Variants in GRM8 observed in about 807,000 individuals in gnomAD.
GRM8 encodes the protein metabotropic glutamate receptor 8.
In GRM8, 47 loss-of-function variants were observed where a neutral mutation model predicts 87.2. That is an observed-to-expected ratio of 0.54 (90% confidence interval 0.43 to 0.69). The LOEUF (loss-of-function observed/expected upper bound fraction) is 0.69, where lower values mean the gene tolerates loss of function less well. GRM8 is among the 30% of genes least tolerant of loss of function. The pLI is 0.00. For synonymous variants in GRM8, 396 were observed against 404.5 expected (o/e 0.98, Z 0.25); for missense variants, 1,019 against 1,139.2 (o/e 0.89, Z 1.52).
At chr7:127,066,715 T>C (rs1821152533) in intron 3 of GRM8, among the ~76,000 whole-genome samples, 1 of 152,178 alleles carries the variant, frequency 6.6e-6, no homozygotes, top group African/African-American at 2.4e-5. Flanking sequence ...CATCCTACAG[T>C]GCTAGAGAAC....
chr7:126,914,908 C>A (rs1265858014), intron 3 of GRM8, among the ~76,000 whole-genome samples: 1 of 152,118 alleles, frequency 6.6e-6, no homozygotes, highest in Non-Finnish European at 1.5e-5. Context: ...TGTACCCCCC[C>A]AATCTAAAAT....
chr7:127,110,388 T>C (rs1382439245), intron 2 of GRM8, among the ~76,000 whole-genome samples: 1 of 152,166 alleles, frequency 6.6e-6, no homozygotes, highest in Non-Finnish European at 1.5e-5. Context: ...TCTCTACCAC[T>C]GTCCCTAGGT....
intron 3 of GRM8, among the ~76,000 whole-genome samples, chr7:126,930,273 T>A (rs192215518): frequency 1.3e-5 from 2 of 152,222 alleles, no homozygotes; most frequent in African/African-American, 4.8e-5. Flanking sequence ...CTTATTTTAA[T>A]GGCAATAGTA....
At chr7:126,698,809 C>CAA (rs368909700) in intron 7 of GRM8, among the ~76,000 whole-genome samples, 1 of 151,684 alleles carries the variant, frequency 6.6e-6, no homozygotes, top group African/African-American at 2.4e-5. Flanking sequence ...ATTAACAAGC[C>CAA]AAAAAAATAC....
At chr7:127,073,178 C>T (rs1414173637) in intron 3 of GRM8, among the ~76,000 whole-genome samples, 1 of 152,144 alleles carries the variant, frequency 6.6e-6, no homozygotes, top group African/African-American at 2.4e-5. Context: ...GATCAAACTT[C>T]TAAGTACTGG....
intron 6 of GRM8, among the ~76,000 whole-genome samples, chr7:126,788,420 A>AACAAAAAAACAAACAAAAAAAAAAAAAC (rs1554492201): frequency 1.2e-5 from 1 of 81,138 alleles, no homozygotes; most frequent in African/African-American, 4.6e-5. Context: ...AAAAAAAAAA[A>AACAAAAAAACAAACAAAAAAAAAAAAAC]AAACCCTTTC....
chr7:126,857,600 G>A (rs1455153800), intron 6 of GRM8, among the ~76,000 whole-genome samples: 1 of 152,152 alleles, frequency 6.6e-6, no homozygotes, highest in East Asian at 1.9e-4. Context: ...GGAGCAACAC[G>A]TGTCAGGTGA....
chr7:126,836,177 T>C (rs1002941766), intron 6 of GRM8, among the ~76,000 whole-genome samples: 1 of 152,178 alleles, frequency 6.6e-6, no homozygotes, highest in Non-Finnish European at 1.5e-5. Context: ...TATTAATTTC[T>C]TGGCCAAAAT....
intron 7 of GRM8, among the ~76,000 whole-genome samples, chr7:126,664,544 T>C (rs75094123): frequency 0.02 from 3,018 of 152,278 alleles, 73 homozygotes; most frequent in African/African-American, 0.057. Context: ...GTTCAATATA[T>C]GGTCCTGGGA....
At chr7:127,182,935 T>A (rs1190415426) in intron 2 of GRM8, among the ~76,000 whole-genome samples, 1 of 151,664 alleles carries the variant, frequency 6.6e-6, no homozygotes, top group Admixed American at 6.6e-5. Context: ...AGTCTACAAA[T>A]ATAGTGCAGT....
intron 3 of GRM8, among the ~76,000 whole-genome samples, chr7:127,031,341 T>C (rs957669690): frequency 6.6e-6 from 1 of 152,082 alleles, no homozygotes; most frequent in African/African-American, 2.4e-5. Flanking sequence ...TTGACAAACA[T>C]ATTTCTCTAT....
intron 9 of GRM8, among the ~76,000 whole-genome samples, chr7:126,526,413 A>G (rs866016431): frequency 6.6e-6 from 1 of 152,102 alleles, no homozygotes; most frequent in African/African-American, 2.4e-5. Flanking sequence ...TCGATGTGTT[A>G]GCTCTAGCTC....
intron 7 of GRM8, among the ~76,000 whole-genome samples, chr7:126,682,365 A>T (rs1807680991): frequency 1.3e-5 from 2 of 152,222 alleles, no homozygotes; most frequent in African/African-American, 4.8e-5. Flanking sequence ...TGTCTTGGGC[A>T]ATTTTCATAA....
At chr7:127,215,427 T>C (rs954791670) in intron 2 of GRM8, among the ~76,000 whole-genome samples, 2 of 114,086 alleles carry the variant, frequency 1.8e-5, no homozygotes, top group Non-Finnish European at 3.9e-5. Context: ...TTTTGCAGAC[T>C]CTTAATCAGT....
At chr7:126,623,032 G>A (rs560131922) in intron 7 of GRM8, among the ~76,000 whole-genome samples, 13 of 152,160 alleles carry the variant, frequency 8.5e-5, no homozygotes, top group South Asian at 8.3e-4. Context: ...AGTCATCTCC[G>A]CTTAGTAAGC....
chr7:126,699,311 A>G (rs968821661), intron 7 of GRM8, among the ~76,000 whole-genome samples: 4 of 152,216 alleles, frequency 2.6e-5, no homozygotes, highest in Admixed American at 6.5e-5. Context: ...TTGTAACTAT[A>G]CTGCTTTTAT....
chr7:126,856,961 C>T (rs1335955062), intron 6 of GRM8, among the ~76,000 whole-genome samples: 1 of 152,174 alleles, frequency 6.6e-6, no homozygotes, highest in Admixed American at 6.5e-5. Flanking sequence ...AGAAAGTTCT[C>T]TGAGACTAGA....
At chr7:127,235,143 A>T (rs1797909921) in intron 2 of GRM8, among the ~76,000 whole-genome samples, 1 of 152,222 alleles carries the variant, frequency 6.6e-6, no homozygotes, top group African/African-American at 2.4e-5. Flanking sequence ...AAACAACCTC[A>T]TTATTTAAAA....
At chr7:126,553,288 T>C (rs915514095) in intron 8 of GRM8, among the ~76,000 whole-genome samples, 14 of 152,186 alleles carry the variant, frequency 9.2e-5, no homozygotes, top group African/African-American at 2.9e-4. Context: ...TGTATAAAAT[T>C]TATTCCAGAA....
Sources: gnomAD v4.1 joint callset for allele counts (sites outside exome capture counted in the v4.1 genomes callset) on GRCh38, gnomAD v4.1.1 for gene constraint, MANE v1.5 for transcripts, NCBI Gene and HGNC (gene_info 2026-07-23, HGNC 2026-07-21) for gene names.